The following GAS2 variants were observed in gnomAD, a reference collection of about 807,000 sequenced individuals.
GAS2 encodes the protein growth arrest-specific protein 2.
In GAS2, 20 loss-of-function variants were observed where a neutral mutation model predicts 37.5. The observed-to-expected ratio is 0.53, with a 90% CI of 0.37 to 0.77. The LOEUF (loss-of-function observed/expected upper bound fraction) is 0.77, where lower values mean the gene tolerates loss of function less well. Among genes scored for constraint, GAS2 ranks in the 30% least tolerant of loss-of-function variants. GAS2 has a pLI of 0.00. For synonymous variants in GAS2, 144 were observed against 132.2 expected (o/e 1.09, Z -0.61); for missense variants, 336 against 373.4 (o/e 0.90, Z 0.82).
chr11:22,756,828 A>C (rs1299186973), intron 7 of GAS2, among the ~76,000 whole-genome samples: 1 of 152,126 alleles, frequency 6.6e-6, no homozygotes, highest in Admixed American at 6.6e-5. Context: ...TTATTATTGG[A>C]GTATGAGACA....
intron 5 of GAS2, among the ~76,000 whole-genome samples, chr11:22,741,359 T>C (rs1853068809): frequency 6.6e-6 from 1 of 152,172 alleles, no homozygotes; most frequent in Non-Finnish European, 1.5e-5. Context: ...CTCAAAGATA[T>C]TTTTACTGAC....
chr11:22,644,984 T>G (rs1848672846), intron 1 of GAS2, among the ~76,000 whole-genome samples: 1 of 152,266 alleles, frequency 6.6e-6, no homozygotes, highest in South Asian at 2.1e-4. Flanking sequence ...TTGACATAAC[T>G]AGAATTTTCT....
chr11:22,640,789 G>T (rs1006666886), intron 1 of GAS2, among the ~76,000 whole-genome samples: 1 of 152,036 alleles, frequency 6.6e-6, no homozygotes, highest in Non-Finnish European at 1.5e-5. Flanking sequence ...CCTTTTAAAT[G>T]CTCTTTGGTT....
intron 3 of GAS2, among the ~76,000 whole-genome samples, chr11:22,721,373 C>T (rs184013435): frequency 6.6e-6 from 1 of 152,004 alleles, no homozygotes; most frequent in Admixed American, 6.6e-5. Context: ...TTCATGACAC[C>T]ATAACTAGGA....
intron 3 of GAS2, among the ~76,000 whole-genome samples, chr11:22,704,651 C>G (rs1851017615): frequency 7.3e-6 from 1 of 137,440 alleles, no homozygotes; most frequent in Non-Finnish European, 1.5e-5. Context: ...TCATGATTCT[C>G]CCAGAAAAGA....
chr11:22,647,042 A>G (rs1463794715), intron 1 of GAS2, among the ~76,000 whole-genome samples: 2 of 151,344 alleles, frequency 1.3e-5, no homozygotes, highest in African/African-American at 4.9e-5. Flanking sequence ...ATCTAGCATT[A>G]GGTATATCTC....
At chr11:22,740,656 A>G (rs1470245639) in intron 5 of GAS2, among the ~76,000 whole-genome samples, 1 of 152,218 alleles carries the variant, frequency 6.6e-6, no homozygotes, top group African/African-American at 2.4e-5. Context: ...TGGCAACCCA[A>G]TAAACTCAGA....
intron 6 of GAS2, among the ~76,000 whole-genome samples, chr11:22,754,618 G>C (rs1436847730): frequency 6.7e-6 from 1 of 149,076 alleles, no homozygotes; most frequent in Non-Finnish European, 1.5e-5. Flanking sequence ...CTTTTTTTTT[G>C]GTTATTCTTC....
intron 3 of GAS2, among the ~76,000 whole-genome samples, chr11:22,701,451 C>A (rs1474043920): frequency 2.6e-5 from 4 of 152,016 alleles, no homozygotes; most frequent in Non-Finnish European, 4.4e-5. Flanking sequence ...AGATAGAATA[C>A]TCTCAAGGAG....
Position 22,690,031 on chromosome 11 carries a change from C to T in GAS2, c.267+4242C>T, listed in dbSNP as rs750278179. ...ATCCAAAGCCATGCCACAGGAAGCT[C>T]TCTGTAATTTTTTTCTAGCAGCTTT... On this transcript the variant is annotated intron_variant, in intron 3 of 7. Coordinates refer to ENST00000454584, the MANE Select transcript of GAS2 (RefSeq NM_001143830.3). Among the ~76,000 whole-genome samples the T allele has an allele frequency of 2.6e-5, 4 of 152,122 alleles. 1 individual carries two copies. Among genetic ancestry groups the T allele is most frequent in the South Asian group, 4.1e-4 (2 of 4,822 alleles).
At chr11:22,652,241 G>C (rs982434174) in intron 1 of GAS2, among the ~76,000 whole-genome samples, 9 of 152,178 alleles carry the variant, frequency 5.9e-5, no homozygotes, top group African/African-American at 2.2e-4. Context: ...CGGGGGTCAG[G>C]GGGTCAGGGA....
intron 1 of GAS2, among the ~76,000 whole-genome samples, chr11:22,671,243 A>C (rs973822888): frequency 2.6e-5 from 4 of 152,086 alleles, no homozygotes; most frequent in African/African-American, 4.8e-5. Flanking sequence ...ACAGTCTTTG[A>C]AGGATTTAGT....
At chr11:22,771,732 A>G (rs1156500326) in intron 7 of GAS2, among the ~76,000 whole-genome samples, 1 of 152,194 alleles carries the variant, frequency 6.6e-6, no homozygotes, top group Non-Finnish European at 1.5e-5. Flanking sequence ...CTAGATGAAC[A>G]TATCTTGAAA....
chr11:22,805,016 A>AAAT, intron 7 of GAS2, among the ~76,000 whole-genome samples: 1 of 152,116 alleles, frequency 6.6e-6, no homozygotes, highest in East Asian at 1.9e-4. Context: ...GGAAGAGTTT[A>AAAT]AATAATAATA....
intron 1 of GAS2, among the ~76,000 whole-genome samples, chr11:22,651,488 C>G (rs1456404380): frequency 2.0e-5 from 3 of 152,164 alleles, no homozygotes; most frequent in Non-Finnish European, 4.4e-5. Flanking sequence ...TGGGGAAATT[C>G]TCCTGGATAA....
At chr11:22,809,349 G>A (rs946942557) in intron 7 of GAS2, among the ~76,000 whole-genome samples, 2 of 152,134 alleles carry the variant, frequency 1.3e-5, no homozygotes, top group African/African-American at 4.8e-5. Flanking sequence ...GGAGGGGCAA[G>A]GAGTCTGGCA....
At chr11:22,634,558 G>T (rs1858794615) in intron 1 of GAS2, among the ~76,000 whole-genome samples, 1 of 152,108 alleles carries the variant, frequency 6.6e-6, no homozygotes, top group East Asian at 1.9e-4. Flanking sequence ...GGATTCTTTG[G>T]TCTCACGGGG....
At chr11:22,795,520 A>G (rs908326730) in intron 7 of GAS2, among the ~76,000 whole-genome samples, 5 of 152,160 alleles carry the variant, frequency 3.3e-5, no homozygotes, top group Non-Finnish European at 5.9e-5. Flanking sequence ...CTCTGAGGTT[A>G]TCTGGGAGGA....
chr11:22,742,303 G>A (rs1305884249), intron 5 of GAS2, among the ~76,000 whole-genome samples: 1 of 152,032 alleles, frequency 6.6e-6, no homozygotes, highest in East Asian at 1.9e-4. Context: ...CTTGTGGTTG[G>A]AAGGGAGTGG....
Sources: gnomAD v4.1 joint callset for allele counts (sites outside exome capture counted in the v4.1 genomes callset) on GRCh38, gnomAD v4.1.1 for gene constraint, MANE v1.5 for transcripts, NCBI Gene and HGNC (gene_info 2026-07-23, HGNC 2026-07-21) for gene names.